C6orf52: variants seen among roughly 807,000 people sequenced by gnomAD.
The protein encoded by C6orf52 is chromosome 6 open reading frame 52, also known as putative uncharacterized protein C6orf52.
A neutral mutation model predicts 16.6 loss-of-function variants in C6orf52; 16 were observed. The observed-to-expected ratio is 0.96, with a 90% CI of 0.65 to 1.46. The LOEUF (loss-of-function observed/expected upper bound fraction) is 1.46. Ranked by LOEUF, C6orf52 falls within the 40% of genes most tolerant of loss-of-function variation. The probability of loss-of-function intolerance (pLI) is 0.00; values close to 1 mark genes in which losing one functional copy is unlikely to be tolerated. For missense variants in C6orf52, 166 were observed against 182.3 expected, an observed-to-expected ratio of 0.91 and a Z score of 0.52; for synonymous variants, 53 against 61.4, an observed-to-expected ratio of 0.86 and a Z score of 0.64.
In C6orf52 at chr6:10,677,058, C is replaced by A. The variant is rs138423850; in HGVS notation, c.317-5460G>T. Among the ~76,000 whole-genome samples, 981 of 152,224 alleles carry A rather than the reference C, an allele frequency of 6.4e-3. 6 individuals are homozygous for A. The highest frequency in any genetic ancestry group is 7.7e-3 in the Non-Finnish European group (521 of 68,030). On this transcript the variant is annotated intron_variant, in intron 4 of 4. Transcript: ENST00000259983. Reference sequence around the variant, plus strand: ...TTCTATTTTTGCGTTTGCTGCCTGTCCTTTTGAGGTCATATCCAAAAAAAT... The same window carrying A: ...TTCTATTTTTGCGTTTGCTGCCTGTACTTTTGAGGTCATATCCAAAAAAAT...
intron 4 of C6orf52, among the ~76,000 whole-genome samples, chr6:10,673,265 T>A (rs888205015): frequency 3.9e-5 from 6 of 152,204 alleles, no homozygotes; most frequent in African/African-American, 1.4e-4. Flanking sequence ...ACTTAACCTG[T>A]GGCCAAGAAA....
rs1011125634 is a variant in C6orf52 at position 10,687,158 on chromosome 6, G to A, written c.78C>T (p.Pro26=). ...NNYYCYWQSL[P]SAIRVKQEFQ... ...ACTCCTGCTTCACTCTAATAGCAGA[G>A]GGGAGACTACAGGAATGACAATCAT... The change falls in exon 3 of 5, where the codon CCC becomes CCT. Residue 26 remains proline, a synonymous_variant. Coordinates refer to ENST00000259983, the MANE Select transcript of C6orf52 (RefSeq NM_001145020.3). 11 of 1,547,162 alleles carry A rather than the reference G, an allele frequency of 7.1e-6. No homozygotes were observed. Among genetic ancestry groups the A allele is most frequent in the African/African-American group, 1.4e-5 (1 of 72,860 alleles).
rs555201963 is a variant in C6orf52, at chr6:10,679,490, CAAGT to C, written c.316+3693_316+3696del. 3.0e-3 allele frequency among the ~76,000 whole-genome samples: 437 copies of C among 144,180 alleles called. 1 individual carries two copies. Among genetic ancestry groups the C allele is most frequent in the Middle Eastern group, 0.024 (7 of 286 alleles). The allele number at this position is 144,180 out of a possible 152,430, so 94.6% of individuals were successfully genotyped here. Reference sequence around the variant, plus strand: ...ATAGCTCATTGCTAAACAGTGCTAACAAGTAAGCACATACCGTTTGCGAAAATGG... The same window carrying C: ...ATAGCTCATTGCTAAACAGTGCTAACAAGCACATACCGTTTGCGAAAATGG... On this transcript the variant is annotated intron_variant, in intron 4 of 4. Coordinates refer to ENST00000259983, the MANE Select transcript of C6orf52 (RefSeq NM_001145020.3).
At chr6:10,676,096 T>C (rs1767854655) in intron 4 of C6orf52, among the ~76,000 whole-genome samples, 3 of 152,046 alleles carry the variant, frequency 2.0e-5, no homozygotes, top group Non-Finnish European at 4.4e-5. Flanking sequence ...CGCCACTGCG[T>C]TCCAGCCTAG....
At chr6:10,673,231 C>G (rs913688994) in intron 4 of C6orf52, among the ~76,000 whole-genome samples, 3 of 152,214 alleles carry the variant, frequency 2.0e-5, no homozygotes, top group South Asian at 2.1e-4. Context: ...GAGTTAGGAT[C>G]ATATGCTTAT....
At chr6:10,686,582 T>C (rs1156818052) in intron 3 of C6orf52, among the ~76,000 whole-genome samples, 2 of 151,384 alleles carry the variant, frequency 1.3e-5, no homozygotes. Context: ...TCCTATATAG[T>C]GTTAAAGAGT....
intron 4 of C6orf52, among the ~76,000 whole-genome samples, chr6:10,680,983 G>A (rs1462532677): frequency 6.6e-6 from 1 of 152,020 alleles, no homozygotes; most frequent in Non-Finnish European, 1.5e-5. Context: ...TAAATTTTTT[G>A]TAGAGACAAG....
intron 1 of C6orf52, among the ~76,000 whole-genome samples, chr6:10,693,888 T>C (rs572026611): frequency 6.6e-6 from 1 of 152,256 alleles, no homozygotes; most frequent in East Asian, 1.9e-4. Context: ...GTCGCCATGC[T>C]GGGCTAATTT....
chr6:10,683,269 A>C, intron 3 of C6orf52, 37 bp from the exon 4 acceptor site: 1 of 1,406,846 alleles, frequency 7.1e-7, no homozygotes, highest in East Asian at 2.5e-5. Flanking sequence ...AAATAATTTT[A>C]CTTAAAGGTT....
At chr6:10,683,769 C>T (rs1235872533) in intron 3 of C6orf52, among the ~76,000 whole-genome samples, 1 of 152,226 alleles carries the variant, frequency 6.6e-6, no homozygotes, top group African/African-American at 2.4e-5. Flanking sequence ...CATATCCTTA[C>T]ATAATGAGAG....
chr6:10,671,462 C>T lies in C6orf52; in HGVS notation c.453G>A (p.Pro151=), dbSNP rs952048744. 1.9e-6 allele frequency: 3 copies of T among 1,539,230 alleles called. No homozygotes were observed. The highest frequency in any genetic ancestry group is 1.4e-5 in the African/African-American group (1 of 72,120). The change falls in exon 5 of 5, where the codon CCG becomes CCA. Residue 151 remains proline, a synonymous_variant. Coordinates refer to ENST00000259983, the MANE Select transcript of C6orf52 (RefSeq NM_001145020.3). ...TVHSEIPDET[P]K ...GTTTAATGAACACCTTGCTTCACTT[C>T]GGGGTCTCATCTGGGATTTCGGAGT...
At chr6:10,687,721 T>C (rs1303063151) in intron 1 of C6orf52, among the ~76,000 whole-genome samples, 160 bp from the exon 2 acceptor site, 1 of 151,426 alleles carries the variant, frequency 6.6e-6, no homozygotes, top group Non-Finnish European at 1.5e-5. Flanking sequence ...TTGACTTTCC[T>C]GACAACGGGG....
intron 4 of C6orf52, 82 bp downstream of exon 4, chr6:10,683,105 C>T (rs1332898727): frequency 2.2e-6 from 2 of 905,326 alleles, no homozygotes; most frequent in Non-Finnish European, 3.3e-6. Context: ...ATAGAACCTT[C>T]CAGTTTCTAG....
At chr6:10,674,659 A>ATTTTTTTTT (rs1561865767) in intron 4 of C6orf52, 1 of 129,056 alleles carries the variant, frequency 7.7e-6, no homozygotes, top group African/African-American at 4.2e-5. Flanking sequence ...TTTTTTTTTA[A>ATTTTTTTTT]AAGACTAGTC....
intron 1 of C6orf52, among the ~76,000 whole-genome samples, chr6:10,692,338 G>A (rs759943737): frequency 1.3e-4 from 20 of 152,072 alleles, no homozygotes; most frequent in Non-Finnish European, 2.5e-4. Context: ...TAATCTTAGT[G>A]GTTCTCTGGT....
intron 4 of C6orf52, among the ~76,000 whole-genome samples, chr6:10,673,048 TC>T (rs1767566572): frequency 6.6e-6 from 1 of 152,232 alleles, no homozygotes; most frequent in African/African-American, 2.4e-5. Context: ...GAGCTTCCCA[TC>T]CCTTTTGAGT....
intron 4 of C6orf52, among the ~76,000 whole-genome samples, chr6:10,682,582 ATG>A (rs1248903199): frequency 1.4e-5 from 2 of 142,538 alleles, no homozygotes; most frequent in African/African-American, 6.1e-5. Context: ...TTAGACAAAC[ATG>A]TGATAAGACA....
At chr6:10,693,358 T>C (rs1049550282) in intron 1 of C6orf52, among the ~76,000 whole-genome samples, 26 of 152,278 alleles carry the variant, frequency 1.7e-4, no homozygotes, top group Admixed American at 2.6e-4. Context: ...GTCTCCATGC[T>C]GACTTTTCTT....
intron 4 of C6orf52, chr6:10,672,669 AAG>A: frequency 1.5e-6 from 1 of 670,362 alleles, no homozygotes. Flanking sequence ...TTTTTAAAAA[AAG>A]AGCAGAGAAC....
Sources: allele counts gnomAD v4.1 joint callset (sites outside exome capture counted in the v4.1 genomes callset), GRCh38; gene constraint gnomAD v4.1.1; transcripts MANE v1.5; gene names NCBI Gene and HGNC (gene_info 2026-07-23, HGNC 2026-07-21).